Variants in NEK11 observed in about 807,000 individuals in gnomAD.
The protein encoded by NEK11 is serine/threonine-protein kinase Nek11.
NEK11 carries 72 observed loss-of-function variants against 80.7 expected under a neutral mutation model. The observed-to-expected ratio is 0.89, with a 90% CI of 0.74 to 1.08. The LOEUF is 1.08. NEK11 is among the 50% of genes least tolerant of loss of function. The pLI is 0.00. For missense variants in NEK11, 764 were observed against 763.6 expected, an observed-to-expected ratio of 1.00 and a Z score of -0.01; for synonymous variants, 251 against 260.7, an observed-to-expected ratio of 0.96 and a Z score of 0.36.
rs1235179177 is a variant in NEK11 at position 131,331,534 on chromosome 3, C to A, written c.1719-18023C>A. 2.6e-5 allele frequency among the ~76,000 whole-genome samples: 4 copies of A among 152,328 alleles called. No homozygotes were observed. The East Asian group carries it at 7.7e-4, about 29-fold the overall frequency. On this transcript the variant is annotated intron_variant, in intron 17 of 17. Transcript: ENST00000383366. Reference sequence around the variant, plus strand: ...TCTACACCTCCCAGCGTGAGCGACGCAGAATACGGGTGATTTCTGCATTTC... The same window carrying A: ...TCTACACCTCCCAGCGTGAGCGACGAAGAATACGGGTGATTTCTGCATTTC...
chr3:131,041,311 T>G (rs1238433899), intron 3 of NEK11, among the ~76,000 whole-genome samples: 1 of 152,226 alleles, frequency 6.6e-6, no homozygotes, highest in African/African-American at 2.4e-5. Flanking sequence ...ATGAAACATT[T>G]GGGTGTTCCA....
chr3:131,280,225 A>G lies in NEK11; in HGVS notation c.1718+6651A>G, dbSNP rs75007517. On this transcript the variant is annotated intron_variant, in intron 17 of 17. Coordinates refer to ENST00000383366, the MANE Select transcript of NEK11 (RefSeq NM_024800.5). ...CATCATTTTCTGGTGACATTCTCTG[A>G]ATCACCTTTGCATTGCCAATTCATG... Among the ~76,000 whole-genome samples the G allele has an allele frequency of 9.0e-3, 1,376 of 152,330 alleles. 22 individuals are homozygous for G. The highest frequency in any genetic ancestry group is 0.031 in the African/African-American group (1,285 of 41,576).
intron 17 of NEK11, among the ~76,000 whole-genome samples, chr3:131,318,268 A>T (rs562342034): frequency 1.6e-4 from 24 of 152,310 alleles, no homozygotes; most frequent in African/African-American, 5.3e-4. Flanking sequence ...CCAAACAAAT[A>T]CATAAACACA....
intron 4 of NEK11, among the ~76,000 whole-genome samples, chr3:131,101,444 T>C (rs1174468022): frequency 6.6e-6 from 1 of 152,224 alleles, no homozygotes; most frequent in Non-Finnish European, 1.5e-5. Flanking sequence ...TTTTCATTAA[T>C]TTCAAAGAAT....
Position 131,175,775 on chromosome 3 carries a change from A to G in NEK11, c.1399+4888A>G, listed in dbSNP as rs563166489. Among the ~76,000 whole-genome samples the G allele has an allele frequency of 2.6e-5, 4 of 152,324 alleles. No homozygotes were observed. The South Asian group carries it at 8.3e-4, about 32-fold the overall frequency. On this transcript the variant is annotated intron_variant, in intron 14 of 17. Coordinates refer to ENST00000383366, the MANE Select transcript of NEK11 (RefSeq NM_024800.5). Reference sequence around the variant, plus strand: ...TGTATATAAATTATACCTAAATAAAATTGATAAATTAAAAAAATATTAAAA... The same window carrying G: ...TGTATATAAATTATACCTAAATAAAGTTGATAAATTAAAAAAATATTAAAA...
intron 14 of NEK11, among the ~76,000 whole-genome samples, chr3:131,174,015 A>G (rs1003095719): frequency 1.3e-5 from 2 of 152,126 alleles, no homozygotes; most frequent in Non-Finnish European, 2.9e-5. Flanking sequence ...CATTTCCGTT[A>G]TTTTTTCCTG....
At chr3:131,065,678 A>T (rs2071790057) in intron 3 of NEK11, among the ~76,000 whole-genome samples, 1 of 152,146 alleles carries the variant, frequency 6.6e-6, no homozygotes, top group African/African-American at 2.4e-5. Flanking sequence ...GGTGTCACTC[A>T]TCTTAGATTT....
chr3:131,304,112 T>C (rs80108750), intron 17 of NEK11, among the ~76,000 whole-genome samples: 2,798 of 152,300 alleles, frequency 0.018, 41 homozygotes, highest in East Asian at 0.084. Context: ...CATTCTTTTT[T>C]ATCCTTTTTT....
At chr3:131,142,221 A>C (rs1362561141) in intron 7 of NEK11, among the ~76,000 whole-genome samples, 1 of 152,234 alleles carries the variant, frequency 6.6e-6, no homozygotes, top group Non-Finnish European at 1.5e-5. Flanking sequence ...CCACTGGCTG[A>C]AGCAAGTCCT....
chr3:131,242,626 C>T (rs1322165772), intron 15 of NEK11, among the ~76,000 whole-genome samples: 1 of 152,104 alleles, frequency 6.6e-6, no homozygotes, highest in Non-Finnish European at 1.5e-5. Context: ...CCATGTTGGC[C>T]AGTCTGGTCT....
chr3:131,030,034 G>T (rs1390127190), intron 3 of NEK11, among the ~76,000 whole-genome samples, 156 bp downstream of exon 3: 1 of 152,160 alleles, frequency 6.6e-6, no homozygotes, highest in Non-Finnish European at 1.5e-5. Context: ...GAGGCGAGGA[G>T]TTCAAGACCA....
At chr3:131,273,270 A>G (rs16836261) in intron 16 of NEK11, among the ~76,000 whole-genome samples, 20,847 of 152,152 alleles carry the variant, frequency 0.14, 2,163 homozygotes, top group East Asian at 0.29. Context: ...CTCCTGGAAT[A>G]CCTTGTGCAT....
At chr3:131,164,976 T>C (rs1021103784) in intron 11 of NEK11, among the ~76,000 whole-genome samples, 1 of 152,158 alleles carries the variant, frequency 6.6e-6, no homozygotes, top group Non-Finnish European at 1.5e-5. Context: ...ACAAAGTAAA[T>C]GTGTCTAGAA....
At chr3:131,141,823 T>C (rs996169518) in intron 7 of NEK11, among the ~76,000 whole-genome samples, 1 of 152,140 alleles carries the variant, frequency 6.6e-6, no homozygotes, top group Admixed American at 6.5e-5. Flanking sequence ...TGTTGGTACA[T>C]TTGACTGAAG....
chr3:131,182,741 T>C (rs1334882637), intron 14 of NEK11, among the ~76,000 whole-genome samples: 1 of 152,214 alleles, frequency 6.6e-6, no homozygotes, highest in Non-Finnish European at 1.5e-5. Context: ...TTTCATTGCA[T>C]GCATTGGCGC....
chr3:131,278,741 A>G (rs1248890575), intron 17 of NEK11, among the ~76,000 whole-genome samples: 1 of 152,066 alleles, frequency 6.6e-6, no homozygotes, highest in Non-Finnish European at 1.5e-5. Flanking sequence ...GGCAATGTAC[A>G]TGAAGGGCCT....
intron 10 of NEK11, among the ~76,000 whole-genome samples, chr3:131,155,359 C>T (rs193222375): frequency 6.6e-6 from 1 of 152,294 alleles, no homozygotes; most frequent in East Asian, 1.9e-4. Flanking sequence ...TGCAGGGTAG[C>T]TCTGCAGTTG....
intron 3 of NEK11, among the ~76,000 whole-genome samples, chr3:131,043,516 G>A (rs2066864518): frequency 6.6e-6 from 1 of 152,204 alleles, no homozygotes; most frequent in Admixed American, 6.5e-5. Context: ...GTATATCAGT[G>A]ATTGAAGATC....
chr3:131,056,964 GC>G (rs926567047), intron 3 of NEK11, among the ~76,000 whole-genome samples: 2 of 151,012 alleles, frequency 1.3e-5, no homozygotes, highest in Non-Finnish European at 3.0e-5. Flanking sequence ...GTATACATGT[GC>G]CATGCTGGTG....
Sources: allele counts gnomAD v4.1 joint callset (sites outside exome capture counted in the v4.1 genomes callset), GRCh38; gene constraint gnomAD v4.1.1; transcripts MANE v1.5; gene names NCBI Gene and HGNC (gene_info 2026-07-23, HGNC 2026-07-21).